Variants in KLHL32 observed in about 807,000 individuals in gnomAD.
KLHL32 encodes the protein kelch like family member 32.
KLHL32 carries 35 observed loss-of-function variants against 64.8 expected under a neutral mutation model. The observed-to-expected ratio is 0.54, with a 90% CI of 0.41 to 0.72. The LOEUF (loss-of-function observed/expected upper bound fraction) is 0.72. Among genes scored for constraint, KLHL32 ranks in the 30% least tolerant of loss-of-function variants. The pLI, the probability that KLHL32 is intolerant of heterozygous loss-of-function variation, is 0.00. For synonymous variants in KLHL32, 259 were observed against 281.0 expected (o/e 0.92, Z 0.78); for missense variants, 589 against 768.5 (o/e 0.77, Z 2.76).
At chr6:96,945,231 T>C (rs997361708) in intron 1 of KLHL32, among the ~76,000 whole-genome samples, 2 of 152,246 alleles carry the variant, frequency 1.3e-5, no homozygotes, top group South Asian at 2.1e-4. Context: ...TTTATGCTAA[T>C]TGTGGATAGT....
At chr6:96,908,363 C>T in the KLHL32 span, among the ~76,000 whole-genome samples, 52 of 152,276 alleles carry the variant, frequency 3.4e-4, no homozygotes, top group South Asian at 0.011. Flanking sequence ...TAAACGTATA[C>T]TTGTAATGAT....
chr6:96,991,866 G>A (rs999212846), intron 3 of KLHL32, among the ~76,000 whole-genome samples: 1 of 152,148 alleles, frequency 6.6e-6, no homozygotes, highest in Non-Finnish European at 1.5e-5. Flanking sequence ...GCAGGGGCGG[G>A]GGACGGCATT....
At chr6:96,967,275 A>AT (rs1247027050) in intron 2 of KLHL32, among the ~76,000 whole-genome samples, 192 bp downstream of exon 2, 1 of 152,172 alleles carries the variant, frequency 6.6e-6, no homozygotes, top group African/African-American at 2.4e-5. Flanking sequence ...TGTCAAACCT[A>AT]AATATGTTTC....
At chr6:96,953,653 T>C (rs1362892068) in intron 1 of KLHL32, among the ~76,000 whole-genome samples, 1 of 151,894 alleles carries the variant, frequency 6.6e-6, no homozygotes, top group Non-Finnish European at 1.5e-5. Flanking sequence ...AAAATTTAGC[T>C]TTCTTCATTC....
At chr6:96,995,995 G>A (rs1778378213) in intron 3 of KLHL32, among the ~76,000 whole-genome samples, 1 of 152,220 alleles carries the variant, frequency 6.6e-6, no homozygotes, top group Non-Finnish European at 1.5e-5. Context: ...AACAGAGATA[G>A]CAAGAGAAAT....
chr6:96,965,507 G>T (rs1255925731), intron 1 of KLHL32, among the ~76,000 whole-genome samples: 1 of 152,092 alleles, frequency 6.6e-6, no homozygotes. Context: ...TAGGATTTTT[G>T]CTCTCCATTC....
At chr6:96,973,027 C>T (rs1465906266) in intron 2 of KLHL32, among the ~76,000 whole-genome samples, 2 of 152,188 alleles carry the variant, frequency 1.3e-5, no homozygotes, top group African/African-American at 4.8e-5. Context: ...ATTAAGAGGC[C>T]TTTATTTCTT....
chr6:97,118,939 AG>A (rs1351826025), intron 7 of KLHL32, among the ~76,000 whole-genome samples: 1 of 152,224 alleles, frequency 6.6e-6, no homozygotes, highest in African/African-American at 2.4e-5. Context: ...AAGGCAGGAA[AG>A]GTAGCACCTA....
chr6:96,981,582 T>A (rs949288278), intron 3 of KLHL32, among the ~76,000 whole-genome samples: 1 of 152,110 alleles, frequency 6.6e-6, no homozygotes, highest in Admixed American at 6.6e-5. Context: ...TTATTTCTGG[T>A]CTTTTGTTAG....
chr6:97,113,749 G>T (rs534052346), intron 6 of KLHL32, 34 bp from the exon 7 acceptor site: 1 of 1,594,600 alleles, frequency 6.3e-7, no homozygotes, highest in Non-Finnish European at 8.6e-7. Flanking sequence ...TCTTACCTTT[G>T]TGTCTCCTCT....
intron 1 of KLHL32, among the ~76,000 whole-genome samples, chr6:96,943,981 T>G: frequency 6.6e-6 from 1 of 152,212 alleles, no homozygotes; most frequent in African/African-American, 2.4e-5. Flanking sequence ...CATTAATTCC[T>G]TCTCAACCTG....
intron 7 of KLHL32, among the ~76,000 whole-genome samples, chr6:97,120,470 G>A (rs890857079): frequency 7.2e-5 from 11 of 152,186 alleles, no homozygotes; most frequent in African/African-American, 2.2e-4. Context: ...CAAAACTGTA[G>A]TGGCTCTGTT....
intron 3 of KLHL32, among the ~76,000 whole-genome samples, chr6:96,988,434 C>T (rs1468231009): frequency 6.6e-6 from 1 of 152,028 alleles, no homozygotes; most frequent in African/African-American, 2.4e-5. Flanking sequence ...GAATGGCAAT[C>T]ATTAAAAAGT....
chr6:96,954,064 C>T (rs905333149), intron 1 of KLHL32, among the ~76,000 whole-genome samples: 3 of 152,176 alleles, frequency 2.0e-5, no homozygotes, highest in Admixed American at 6.5e-5. Flanking sequence ...GAATTCCTAT[C>T]ATCTCTTTCT....
intron 3 of KLHL32, among the ~76,000 whole-genome samples, chr6:97,018,600 CAA>C (rs11319122): frequency 0.044 from 5,436 of 122,288 alleles, 425 homozygotes; most frequent in Admixed American, 0.23. Flanking sequence ...GACTCAGTCT[CAA>C]AAAAAAAAAA....
chr6:96,987,000 G>A (rs1562218127), intron 3 of KLHL32, among the ~76,000 whole-genome samples: 1 of 152,290 alleles, frequency 6.6e-6, no homozygotes, highest in Admixed American at 6.5e-5. Context: ...GTTCCTATGC[G>A]GCCATCTTGG....
Position 96,976,182 on chromosome 6 carries a change from G to A in KLHL32, c.204+5G>A. 1 of 1,539,366 alleles carries A rather than the reference G, an allele frequency of 6.5e-7. No individual in the cohort carries two copies. The highest frequency in any genetic ancestry group is 8.8e-7 in the Non-Finnish European group (1 of 1,135,786). ...GCATGCAGTGACTATTTCCGGGTAA[G>A]TCAGCATTGTTTGTTTCTCGTAAAA... is the stretch of plus-strand genomic sequence containing the variant. On this transcript the variant is annotated splice_donor_5th_base_variant and intron_variant, in intron 3 of 10. Coordinates refer to ENST00000369261, the MANE Select transcript of KLHL32 (RefSeq NM_052904.4).
intron 4 of KLHL32, among the ~76,000 whole-genome samples, chr6:97,055,788 A>T (rs1787705899): frequency 8.2e-6 from 1 of 121,564 alleles, no homozygotes; most frequent in African/African-American, 3.6e-5. Flanking sequence ...ACAGACTGAG[A>T]ACCTGTCTAA....
At chr6:97,042,679 A>G (rs1477315198) in intron 4 of KLHL32, among the ~76,000 whole-genome samples, 5 of 152,124 alleles carry the variant, frequency 3.3e-5, no homozygotes, top group African/African-American at 9.7e-5. Context: ...GTTGAACTAT[A>G]CAATGCATTA....
Sources: gnomAD v4.1 joint callset for allele counts (sites outside exome capture counted in the v4.1 genomes callset) on GRCh38, gnomAD v4.1.1 for gene constraint, MANE v1.5 for transcripts, NCBI Gene and HGNC (gene_info 2026-07-23, HGNC 2026-07-21) for gene names.